The following EVC2 variants were observed in gnomAD, a reference collection of about 807,000 sequenced individuals.
The protein encoded by EVC2 is EvC ciliary complex subunit 2.
EVC2 carries 148 observed loss-of-function variants against 149.3 expected under a neutral mutation model. The observed-to-expected ratio is 0.99, with a 90% confidence interval of 0.87 to 1.14. The LOEUF (loss-of-function observed/expected upper bound fraction) is 1.14. Ranked by LOEUF, EVC2 falls within the 50% of genes most tolerant of loss-of-function variation. EVC2 has a pLI of 0.00. For synonymous variants in EVC2, 776 were observed against 649.9 expected (o/e 1.19, Z -2.95); for missense variants, 1,854 against 1,627.3 (o/e 1.14, Z -2.40).
intron 21 of EVC2, among the ~76,000 whole-genome samples, chr4:5,563,635 C>T (rs961864078): frequency 2.6e-5 from 4 of 152,106 alleles, no homozygotes; most frequent in Admixed American, 1.3e-4. Flanking sequence ...CCACCAAACC[C>T]GGCCCATTTT....
intron 17 of EVC2, among the ~76,000 whole-genome samples, chr4:5,583,244 G>A (rs1711962535): frequency 6.6e-6 from 1 of 152,094 alleles, no homozygotes; most frequent in Non-Finnish European, 1.5e-5. Context: ...TTTATAGATG[G>A]CTGTATTCTG....
At chr4:5,595,565 G>C (rs1429494573) in intron 16 of EVC2, among the ~76,000 whole-genome samples, 2 of 152,164 alleles carry the variant, frequency 1.3e-5, no homozygotes, top group Non-Finnish European at 2.9e-5. Flanking sequence ...GCTCCTGAAG[G>C]AAGCGCTAAA....
At chr4:5,631,358 G>A (rs531110159) in intron 11 of EVC2, among the ~76,000 whole-genome samples, 1 of 152,272 alleles carries the variant, frequency 6.6e-6, no homozygotes, top group South Asian at 2.1e-4. Flanking sequence ...CTCCTAAAGT[G>A]CTGGGAGCCA....
intron 21 of EVC2, among the ~76,000 whole-genome samples, chr4:5,547,403 C>G (rs1721643107): frequency 6.6e-6 from 1 of 152,210 alleles, no homozygotes; most frequent in Non-Finnish European, 1.5e-5. Context: ...GGGCAGATCC[C>G]CAGTGAGGCA....
chr4:5,623,104 A>C, intron 13 of EVC2, 113 bp from the exon 14 acceptor site: 1 of 982,542 alleles, frequency 1.0e-6, no homozygotes, highest in Non-Finnish European at 1.5e-6. Context: ...TTCCCCAACA[A>C]TCTCACATTT....
chr4:5,585,034 C>G (rs1013661784), intron 16 of EVC2, among the ~76,000 whole-genome samples, 184 bp from the exon 17 acceptor site: 1 of 152,144 alleles, frequency 6.6e-6, no homozygotes, highest in Admixed American at 6.5e-5. Flanking sequence ...CGTATGAAGA[C>G]GCCAGGGGCT....
At chr4:5,649,158 C>G (rs1171639045) in intron 9 of EVC2, among the ~76,000 whole-genome samples, 1 of 152,228 alleles carries the variant, frequency 6.6e-6, no homozygotes, top group African/African-American at 2.4e-5. Flanking sequence ...ACTACCTCAA[C>G]AGCTCGGCAA....
intron 17 of EVC2, among the ~76,000 whole-genome samples, chr4:5,582,129 G>A (rs2108785179): frequency 6.6e-6 from 1 of 152,356 alleles, no homozygotes; most frequent in African/African-American, 2.4e-5. Context: ...CCCACACAGA[G>A]TCCCCATTGA....
intron 21 of EVC2, among the ~76,000 whole-genome samples, chr4:5,563,936 G>A (rs1239125532): frequency 6.6e-6 from 1 of 152,010 alleles, no homozygotes; most frequent in Non-Finnish European, 1.5e-5. Flanking sequence ...CTGGAATCCT[G>A]GCCATGGGCA....
chr4:5,631,572 G>GT (rs1553837160), intron 11 of EVC2, among the ~76,000 whole-genome samples: 2 of 151,672 alleles, frequency 1.3e-5, no homozygotes, highest in Non-Finnish European at 1.5e-5. Context: ...TAGACTGGGG[G>GT]GGGGAACTGA....
intron 1 of EVC2, among the ~76,000 whole-genome samples, chr4:5,707,197 G>A (rs1722260801): frequency 6.6e-6 from 1 of 152,198 alleles, no homozygotes; most frequent in South Asian, 2.1e-4. Context: ...GCAGATGCAA[G>A]TGAAAGGACC....
chr4:5,567,989 A>G lies in EVC2; in HGVS notation c.3557+455T>C, dbSNP rs2108770116. ...AAGATTCTGAAATGCAGAATGTAGC[A>G]AGGCTGTATCCACAGCGTGCTCACT... is the stretch of plus-strand genomic sequence containing the variant. On this transcript the variant is annotated intron_variant, in intron 20 of 21. Transcript: ENST00000344408. The surrounding 1 kb of genome is among the most constrained non-coding windows in gnomAD (Gnocchi z 4.4). Among the ~76,000 whole-genome samples, 1 of 152,352 alleles carries G rather than the reference A, an allele frequency of 6.6e-6. No homozygotes were observed. Among genetic ancestry groups the G allele is most frequent in the East Asian group, 1.9e-4 (1 of 5,190 alleles).
chr4:5,709,114 CT>C (rs1722409488), upstream of EVC2: 1 of 152,664 alleles, frequency 6.6e-6, no homozygotes, highest in South Asian at 2.1e-4. Flanking sequence ...CCGGGTGCCC[CT>C]CGCATTCCCA....
At chr4:5,634,224 C>A (rs927148496) in intron 10 of EVC2, among the ~76,000 whole-genome samples, 1 of 152,158 alleles carries the variant, frequency 6.6e-6, no homozygotes, top group African/African-American at 2.4e-5. Context: ...GGATTAGATT[C>A]GACATAATGA....
chr4:5,561,842 C>T (rs113356873), downstream of EVC2, among the ~76,000 whole-genome samples: 4 of 152,174 alleles, frequency 2.6e-5, no homozygotes, highest in African/African-American at 7.2e-5. Context: ...CAGCAACTCT[C>T]ATATGACAGA....
chr4:5,603,050 A>G (rs1714119919), intron 16 of EVC2, among the ~76,000 whole-genome samples: 1 of 152,230 alleles, frequency 6.6e-6, no homozygotes, highest in East Asian at 1.9e-4. Context: ...CGTATGTTTG[A>G]TAAAAATGAA....
chr4:5,680,015 C>T (rs1032676661), intron 7 of EVC2, among the ~76,000 whole-genome samples: 4 of 152,100 alleles, frequency 2.6e-5, no homozygotes, highest in Non-Finnish European at 5.9e-5. Context: ...TAGCCTAGTC[C>T]TGCACAGCAT....
At chr4:5,615,984 A>G (rs1458913898) in intron 15 of EVC2, among the ~76,000 whole-genome samples, 2 of 152,368 alleles carry the variant, frequency 1.3e-5, no homozygotes, top group East Asian at 3.9e-4. Flanking sequence ...CACTAGGAGC[A>G]GAGCCACGTT....
Position 5,691,330 on chromosome 4 carries a change from C to T in EVC2, c.454G>A (p.Gly152Arg). The T allele has an allele frequency of 1.2e-6, 2 of 1,611,248 alleles. No individual in the cohort carries two copies. The change falls in exon 4 of 22, where the codon GGG (glycine) becomes AGG (arginine). Residue 152 changes from glycine to arginine, a missense_variant. Physicochemically the swap from Gly to Arg is moderately radical, Grantham distance 125. Transcript: ENST00000344408. ...RESPITHRLY[G>R]DISREVQGTS... The stretch of plus-strand genomic sequence containing the variant: ...CCTTGAACTTCTCTTGAAATGTCCC[C>T]ATACTACAATAAAATGTAAAAGTTA...
Sources: allele counts gnomAD v4.1 joint callset (sites outside exome capture counted in the v4.1 genomes callset), GRCh38; gene constraint gnomAD v4.1.1; non-coding constraint Gnocchi (gnomAD v3.1); transcripts MANE v1.5; gene names NCBI Gene and HGNC (gene_info 2026-07-23, HGNC 2026-07-21).